The following CNKSR3 variants were observed in gnomAD, a reference collection of about 807,000 sequenced individuals.
CNKSR3 encodes connector enhancer of kinase suppressor of ras 3.
CNKSR3 carries 36 observed loss-of-function variants against 67.7 expected under a neutral mutation model. The observed-to-expected ratio is 0.53, with a 90% CI of 0.41 to 0.70. The LOEUF (loss-of-function observed/expected upper bound fraction) is 0.70. CNKSR3 is among the 30% of genes least tolerant of loss of function. CNKSR3 has a pLI of 0.00. For missense variants in CNKSR3, 630 were observed against 695.2 expected (o/e 0.91, Z 1.05); for synonymous variants, 281 against 271.4 (o/e 1.04, Z -0.35).
chr6:154,430,841 A>C (rs1221609981), intron 5 of CNKSR3, among the ~76,000 whole-genome samples: 1 of 152,126 alleles, frequency 6.6e-6, no homozygotes, highest in African/African-American at 2.4e-5. Flanking sequence ...TGAAGAGCAC[A>C]GGCCAGGCAG....
At chr6:154,496,133 A>G (rs1786873653) in intron 1 of CNKSR3, among the ~76,000 whole-genome samples, 1 of 152,186 alleles carries the variant, frequency 6.6e-6, no homozygotes, top group African/African-American at 2.4e-5. Flanking sequence ...GAACTCTTTC[A>G]TCCTGACTAG....
chr6:154,478,807 G>C (rs1185708004), intron 1 of CNKSR3, among the ~76,000 whole-genome samples: 9 of 152,174 alleles, frequency 5.9e-5, no homozygotes, highest in Middle Eastern at 3.4e-3. Flanking sequence ...CATGTATCAC[G>C]GCACATGAAG....
At chr6:154,431,944 G>A (rs1250488463) in intron 5 of CNKSR3, among the ~76,000 whole-genome samples, 1 of 151,800 alleles carries the variant, frequency 6.6e-6, no homozygotes, top group Non-Finnish European at 1.5e-5. Context: ...AACTTTTTTG[G>A]CAATTTTGAG....
intron 1 of CNKSR3, among the ~76,000 whole-genome samples, chr6:154,490,352 T>C (rs1235379910): frequency 6.6e-6 from 1 of 152,104 alleles, no homozygotes; most frequent in Non-Finnish European, 1.5e-5. Context: ...AATCAAATAA[T>C]GAGCCCTAAA....
chr6:154,494,264 C>T (rs761611743), intron 1 of CNKSR3, among the ~76,000 whole-genome samples: 13 of 151,974 alleles, frequency 8.6e-5, no homozygotes, highest in African/African-American at 2.7e-4. Context: ...TGAAGGGGGA[C>T]GCCCCTTATA....
intron 1 of CNKSR3, among the ~76,000 whole-genome samples, chr6:154,490,757 T>C (rs540656356): frequency 3.3e-5 from 5 of 152,210 alleles, no homozygotes; most frequent in African/African-American, 4.8e-5. Context: ...TGCCATGCTG[T>C]CTCTTGCCTC....
At position 154,402,599 on chromosome 6, in the gene CNKSR3, C is replaced by T. The variant is rs1044750986; in HGVS notation, c.*3755G>A. 3 of 152,112 alleles carry T rather than the reference C, an allele frequency of 2.0e-5. No homozygotes were observed. The highest frequency in any genetic ancestry group is 2.9e-5 in the Non-Finnish European group (2 of 68,032). 9.4% of individuals were successfully genotyped at this position (152,112 alleles called of 1,614,324 possible). On this transcript the variant is annotated 3_prime_UTR_variant, in exon 13 of 13. Transcript: ENST00000607772. ...CTGGGTAACTCCCTCATATGCAAAA[C>T]GGGACTAACAGCAGTACTCACCTCA... is the stretch of plus-strand genomic sequence containing the variant.
intron 1 of CNKSR3, among the ~76,000 whole-genome samples, chr6:154,458,163 C>T (rs1475060121): frequency 6.6e-6 from 1 of 152,188 alleles, no homozygotes; most frequent in Admixed American, 6.5e-5. Context: ...ATATTTACTA[C>T]CTGGCCCAGG....
Position 154,442,212 on chromosome 6 carries a change from T to C in CNKSR3, c.295A>G (p.Ile99Val), listed in dbSNP as rs747490306. Reference sequence around the variant, plus strand: ...GCGGGACTTTTCCGTCGGCTACTTATGTAATTCTGTAAATTGTGGGAAGAT... The same window carrying C: ...GCGGGACTTTTCCGTCGGCTACTTACGTAATTCTGTAAATTGTGGGAAGAT... ...RASSHNLQNY[I>V]SSRRKSPAYD... is the part of the protein sequence containing the mutation. Residue 99 changes from isoleucine to valine, a missense_variant, in exon 3 of 13, where the codon ATA (isoleucine) becomes GTA (valine). Ile to Val is a conservative substitution (Grantham distance 29, BLOSUM62 3). Transcript: ENST00000607772. 1.3e-5 allele frequency: 21 copies of C among 1,614,090 alleles called. No homozygotes were observed. The highest frequency in any genetic ancestry group is 1.5e-5 in the Non-Finnish European group (18 of 1,180,030).
Position 154,406,344 on chromosome 6 carries a change from A to G in CNKSR3, c.*10T>C. On this transcript the variant is annotated 3_prime_UTR_variant, in exon 13 of 13. Transcript: ENST00000607772. ...CAGGAGCCAGGCAGGTGGCCTGAGC[A>G]GGGTCCCTCTCAGTGAGTCAACAGT... 6.2e-7 allele frequency: 1 copy of G among 1,604,940 alleles called. No homozygotes were observed. Among genetic ancestry groups the G allele is most frequent in the Non-Finnish European group, 8.5e-7 (1 of 1,176,000 alleles).
At chr6:154,445,653 A>G (rs1416504550) in intron 2 of CNKSR3, among the ~76,000 whole-genome samples, 1 of 152,230 alleles carries the variant, frequency 6.6e-6, no homozygotes, top group African/African-American at 2.4e-5. Flanking sequence ...TATTGTTGCA[A>G]GAAACTTTAA....
At chr6:154,454,104 C>CACACACACACACAG (rs1268729108) in intron 1 of CNKSR3, among the ~76,000 whole-genome samples, 47 of 116,336 alleles carry the variant, frequency 4.0e-4, no homozygotes, top group African/African-American at 1.6e-3. Context: ...CACACACACA[C>CACACACACACACAG]AGAGAGAGAG....
In CNKSR3 at chr6:154,399,100, G is replaced by A. The variant is rs1031818468; in HGVS notation, c.*7254C>T. 6.6e-6 allele frequency: 1 copy of A among 151,578 alleles called. No homozygotes were observed. 9.4% of individuals were successfully genotyped at this position (151,578 alleles called of 1,614,324 possible). Reference sequence around the variant, plus strand: ...GTCTCAAAAAAAAAAAAAAAAGTGTGTCCAATCACAGACTTTTGTCATTTC... The same window carrying A: ...GTCTCAAAAAAAAAAAAAAAAGTGTATCCAATCACAGACTTTTGTCATTTC... On this transcript the variant is annotated 3_prime_UTR_variant, in exon 13 of 13. Transcript: ENST00000607772.
chr6:154,403,909 G>A lies in CNKSR3; in HGVS notation c.*2445C>T, dbSNP rs1784743967. The A allele has an allele frequency of 6.6e-6, 1 of 152,192 alleles. No homozygotes were observed. The highest frequency in any genetic ancestry group is 2.4e-5 in the African/African-American group (1 of 41,442). 9.4% of individuals were successfully genotyped at this position (152,192 alleles called of 1,614,324 possible). On this transcript the variant is annotated 3_prime_UTR_variant, in exon 13 of 13. Coordinates refer to ENST00000607772, the MANE Select transcript of CNKSR3 (RefSeq NM_173515.4). ...CCAGAGTGATTTAACTCATCATCCA[G>A]TGGAACTACAGCTCTTAGAGTTCTC...
chr6:154,423,986 A>G (rs1373863675), intron 7 of CNKSR3, among the ~76,000 whole-genome samples: 1 of 152,124 alleles, frequency 6.6e-6, no homozygotes, highest in Non-Finnish European at 1.5e-5. Flanking sequence ...TAATCCCAGC[A>G]CTTTGGGAGG....
chr6:154,455,359 G>C (rs1400845617), intron 1 of CNKSR3, among the ~76,000 whole-genome samples: 1 of 152,128 alleles, frequency 6.6e-6, no homozygotes, highest in Non-Finnish European at 1.5e-5. Flanking sequence ...CACTGGTGTG[G>C]AGAACATTGC....
chr6:154,409,881 C>CAAAAAAAAAAAA (rs56081008), intron 12 of CNKSR3, among the ~76,000 whole-genome samples: 22 of 126,608 alleles, frequency 1.7e-4, no homozygotes, highest in African/African-American at 4.8e-4. Context: ...CTGTCTCTAC[C>CAAAAAAAAAAAA]AAAAAAAAAA....
At chr6:154,481,012 CTT>C (rs1786555164) in intron 1 of CNKSR3, among the ~76,000 whole-genome samples, 3 of 151,594 alleles carry the variant, frequency 2.0e-5, no homozygotes, top group Admixed American at 6.6e-5. Flanking sequence ...TGATAGCAGT[CTT>C]ATGCTTATTT....
At chr6:154,423,862 G>T (rs1785197687) in intron 7 of CNKSR3, among the ~76,000 whole-genome samples, 1 of 152,128 alleles carries the variant, frequency 6.6e-6, no homozygotes, top group East Asian at 1.9e-4. Flanking sequence ...AGTCTTCAGT[G>T]TCAAAACAAA....
Sources: gnomAD v4.1 joint callset for allele counts (sites outside exome capture counted in the v4.1 genomes callset) on GRCh38, gnomAD v4.1.1 for gene constraint, MANE v1.5 for transcripts, NCBI Gene and HGNC (gene_info 2026-07-23, HGNC 2026-07-21) for gene names.